CRYBG1: variants seen among roughly 807,000 people sequenced by gnomAD.
The protein encoded by CRYBG1 is beta/gamma crystallin domain-containing protein 1.
In CRYBG1, 139 loss-of-function variants were observed where a neutral mutation model predicts 189.2. That is an observed-to-expected ratio of 0.73 (90% CI 0.64 to 0.85). The LOEUF (loss-of-function observed/expected upper bound fraction) is 0.85. Ranked by LOEUF, CRYBG1 falls within the 40% of genes least tolerant of loss-of-function variation. The pLI is 0.00. For missense variants in CRYBG1, 2,611 were observed against 2,675.8 expected (o/e 0.98, Z 0.53); for synonymous variants, 1,023 against 1,017.1 (o/e 1.01, Z -0.11).
chr6:106,413,793 G>A (rs1204952619), intron 1 of CRYBG1, among the ~76,000 whole-genome samples: 2 of 152,146 alleles, frequency 1.3e-5, no homozygotes, highest in African/African-American at 4.8e-5. Flanking sequence ...CATCACAAAA[G>A]CCTCGTTTTT....
intron 19 of CRYBG1, 24 bp from the exon 20 acceptor site, chr6:106,561,318 A>T: frequency 2.5e-6 from 4 of 1,610,466 alleles, no homozygotes; most frequent in Non-Finnish European, 3.4e-6. Flanking sequence ...TGGTATAACA[A>T]CTGCTGGGGG....
chr6:106,410,944 C>T (rs1770918060), intron 1 of CRYBG1, among the ~76,000 whole-genome samples: 1 of 152,070 alleles, frequency 6.6e-6, no homozygotes, highest in South Asian at 2.1e-4. Flanking sequence ...ACCACCATGG[C>T]ACATGTATAA....
chr6:106,567,895 C>T (rs1187930844), intron 21 of CRYBG1, among the ~76,000 whole-genome samples: 2 of 106,906 alleles, frequency 1.9e-5, no homozygotes, highest in Non-Finnish European at 3.7e-5. Flanking sequence ...TATCCACCAA[C>T]TGAGTCCCCA....
At chr6:106,369,147 G>C (rs1769963552) in intron 1 of CRYBG1, among the ~76,000 whole-genome samples, 1 of 152,130 alleles carries the variant, frequency 6.6e-6, no homozygotes, top group African/African-American at 2.4e-5. Flanking sequence ...GGAGGCCCAA[G>C]GACATACAAA....
At chr6:106,390,180 G>A (rs1014657201) in intron 1 of CRYBG1, among the ~76,000 whole-genome samples, 1 of 152,066 alleles carries the variant, frequency 6.6e-6, no homozygotes, top group Admixed American at 6.5e-5. Flanking sequence ...TTTATAAAAT[G>A]GAGCTGTAAA....
At chr6:106,548,733 C>CT (rs964540403) in intron 13 of CRYBG1, among the ~76,000 whole-genome samples, 40 of 150,556 alleles carry the variant, frequency 2.7e-4, no homozygotes, top group South Asian at 4.2e-4. Flanking sequence ...CGTAGATTTT[C>CT]TTTTTTTTTA....
intron 1 of CRYBG1, among the ~76,000 whole-genome samples, chr6:106,446,374 T>C (rs1771664388): frequency 6.6e-6 from 1 of 152,178 alleles, no homozygotes; most frequent in Admixed American, 6.5e-5. Flanking sequence ...CTTGAGGAAA[T>C]AATTCAATTC....
intron 2 of CRYBG1, among the ~76,000 whole-genome samples, chr6:106,510,565 C>T (rs1006696558): frequency 6.6e-6 from 1 of 151,796 alleles, no homozygotes; most frequent in East Asian, 2.0e-4. Flanking sequence ...GGGCTCCAGC[C>T]GTGCGACCCC....
In CRYBG1 at chr6:106,511,492, A is replaced by G. The variant is rs544013521; in HGVS notation, c.375A>G (p.Leu125=). 38 of 1,535,740 alleles carry G rather than the reference A, an allele frequency of 2.5e-5. 1 individual carries two copies. The African/African-American group carries it at 3.3e-4, about 13-fold the overall frequency. Residue 125 remains leucine (L), a synonymous_variant, in exon 3 of 22, where the codon CTA becomes CTG. Coordinates refer to ENST00000633556, the MANE Select transcript of CRYBG1 (RefSeq NM_001371242.2). ...RKPVLGKLGT[L]FTAGRRRNSR... is the part of the protein sequence containing the mutation. ...CAGTTTTGGGGAAACTTGGCACTCT[A>G]TTCACTGCAGGAAGGAGAAGAAACA...
At chr6:106,500,438 A>AC (rs1562090438) in intron 2 of CRYBG1, among the ~76,000 whole-genome samples, 1 of 151,688 alleles carries the variant, frequency 6.6e-6, no homozygotes, top group African/African-American at 2.4e-5. Flanking sequence ...AAAAACAAAA[A>AC]AAAAAACCTC....
chr6:106,433,761 ATATATATATATG>A (rs61445745), intron 1 of CRYBG1, among the ~76,000 whole-genome samples: 1 of 81,836 alleles, frequency 1.2e-5, no homozygotes, highest in South Asian at 3.8e-4. Flanking sequence ...ATATATGTGT[ATATATATATATG>A]TATATATATA....
In CRYBG1 at chr6:106,364,566, G is replaced by A. The variant is rs1042788970; in HGVS notation, c.173+3485G>A. 2.0e-5 allele frequency among the ~76,000 whole-genome samples: 3 copies of A among 152,074 alleles called. No homozygotes were observed. The South Asian group carries it at 6.2e-4, about 31-fold the overall frequency. ...GTCATATGATGTTATTTTTCACAAA[G>A]ATAGAGTTGCTGCCCTCCTGAGTCA... is the stretch of plus-strand genomic sequence containing the variant. On this transcript the variant is annotated intron_variant, in intron 1 of 21. Transcript: ENST00000633556.
At chr6:106,396,646 C>T (rs1369753174) in intron 1 of CRYBG1, among the ~76,000 whole-genome samples, 1 of 152,182 alleles carries the variant, frequency 6.6e-6, no homozygotes. Context: ...TTCTGAGGAC[C>T]TGTTCTACCA....
In CRYBG1 at chr6:106,560,875, G is replaced by C; in HGVS notation, c.5928G>C (p.Trp1976Cys). 6.2e-7 allele frequency: 1 copy of C among 1,612,848 alleles called. No homozygotes were observed. The highest frequency in any genetic ancestry group is 8.5e-7 in the Non-Finnish European group (1 of 1,179,512). The change falls in exon 19 of 22, where the codon TGG (tryptophan) becomes TGC (cysteine). Residue 1976 changes from tryptophan (W) to cysteine (C), a missense_variant. Coordinates refer to ENST00000633556, the MANE Select transcript of CRYBG1 (RefSeq NM_001371242.2). Reference sequence around the variant, plus strand: ...TGTCACCTGCAGAAGTACCTAATTGGTATGAATTCAGTGGCTGTCGCCAAA... The same window carrying C: ...TGTCACCTGCAGAAGTACCTAATTGCTATGAATTCAGTGGCTGTCGCCAAA... ...FLLSPAEVPN[W>C]YEFSGCRQIG... is the part of the protein sequence containing the mutation.
At chr6:106,374,565 A>C (rs1770109220) in intron 1 of CRYBG1, among the ~76,000 whole-genome samples, 2 of 152,150 alleles carry the variant, frequency 1.3e-5, no homozygotes, top group African/African-American at 4.8e-5. Flanking sequence ...GCTGAAAACA[A>C]ACAAATATGC....
In CRYBG1 at chr6:106,555,761, ATTGTAGCTGGG is replaced by A. The variant is rs750829396; in HGVS notation, c.5586-1_5595del. On this transcript the variant is annotated splice_acceptor_variant and splice_polypyrimidine_tract_variant and coding_sequence_variant and intron_variant, in exon 17 of 22. Transcript: ENST00000633556. LOFTEE classifies it high-confidence loss of function. ...TCTGTGCATGTGTGTGGTTTTTCCC[ATTGTAGCTGGG>A]TTGTATATGATGGAGAAAATTTCAC... 8.1e-6 allele frequency: 13 copies of A among 1,613,922 alleles called. No homozygotes were observed. The highest frequency in any genetic ancestry group is 1.0e-5 in the Non-Finnish European group (12 of 1,179,916).
At chr6:106,371,949 A>G (rs768165495) in intron 1 of CRYBG1, among the ~76,000 whole-genome samples, 3 of 152,212 alleles carry the variant, frequency 2.0e-5, no homozygotes, top group Non-Finnish European at 2.9e-5. Flanking sequence ...TGAGGAAACA[A>G]CCAGTCACAA....
intron 1 of CRYBG1, among the ~76,000 whole-genome samples, chr6:106,412,485 A>C (rs1194936597): frequency 6.6e-6 from 1 of 152,206 alleles, no homozygotes; most frequent in African/African-American, 2.4e-5. Flanking sequence ...TTTCTTTAAA[A>C]ATCTGACTTT....
chr6:106,409,034 A>G (rs1488138616), intron 1 of CRYBG1, among the ~76,000 whole-genome samples: 26 of 152,120 alleles, frequency 1.7e-4, no homozygotes, highest in Admixed American at 1.7e-3. Context: ...GTAATCAGGC[A>G]AGAGAAAGAA....
Sources: gnomAD v4.1 joint callset for allele counts (sites outside exome capture counted in the v4.1 genomes callset) on GRCh38, gnomAD v4.1.1 for gene constraint, MANE v1.5 for transcripts, NCBI Gene and HGNC (gene_info 2026-07-23, HGNC 2026-07-21) for gene names.